The following NSUN4 variants were observed in gnomAD, a reference collection of about 807,000 sequenced individuals.
NSUN4 encodes the protein NOP2/Sun RNA methyltransferase 4, also known as 5-cytosine rRNA methyltransferase NSUN4.
A neutral mutation model predicts 43.8 loss-of-function variants in NSUN4; 31 were observed. That is an observed-to-expected ratio of 0.71 (90% CI 0.53 to 0.96). The LOEUF (loss-of-function observed/expected upper bound fraction) is 0.96, where lower values mean the gene tolerates loss of function less well. NSUN4 is among the 40% of genes least tolerant of loss of function. NSUN4 has a pLI of 0.00. For missense variants in NSUN4, 439 were observed against 475.6 expected (o/e 0.92, Z 0.72); for synonymous variants, 167 against 184.1 (o/e 0.91, Z 0.75).
chr1:46,362,157 A>C lies in NSUN4; in HGVS notation c.*311A>C, dbSNP rs576615788. 138 of 368,682 alleles carry C rather than the reference A, an allele frequency of 3.7e-4. No homozygotes were observed. The highest frequency in any genetic ancestry group is 6.0e-4 in the Non-Finnish European group (120 of 200,540). The allele number at this position is 368,682 out of a possible 1,614,324, so 22.8% of individuals were successfully genotyped here. A position where few individuals can be genotyped will look rare whatever the true frequency, so the allele number is the denominator to read the frequency against. ...GCTCACACTAAGTTGTAAACATAGG[A>C]GAAGCATTTGGCCAATAAAGTTGTT... On this transcript the variant is annotated 3_prime_UTR_variant, in exon 6 of 6. Coordinates refer to ENST00000474844, the MANE Select transcript of NSUN4 (RefSeq NM_199044.4).
At chr1:46,341,424 G>A (rs1662095825) in intron 1 of NSUN4, 1 of 1,005,478 alleles carries the variant, frequency 9.9e-7, no homozygotes, top group Non-Finnish European at 1.2e-6. Context: ...CCTCAACCTC[G>A]AGCTGCCTCT....
chr1:46,343,791 AAG>A, intron 1 of NSUN4: 1 of 400,842 alleles, frequency 2.5e-6, no homozygotes, highest in Non-Finnish European at 4.4e-6. Context: ...GGGCAAGAGC[AAG>A]AGTCTATGAT....
At chr1:46,348,709 CAAAAAAA>C (rs34999763) in intron 3 of NSUN4, among the ~76,000 whole-genome samples, 993 of 52,086 alleles carry the variant, frequency 0.019, 13 homozygotes, top group African/African-American at 0.068. Context: ...AACTCTGTCT[CAAAAAAA>C]AAAAAAAAAA....
chr1:46,341,991 C>T (rs1347440109), intron 1 of NSUN4: 4 of 1,219,176 alleles, frequency 3.3e-6, no homozygotes, highest in Non-Finnish European at 4.1e-6. Flanking sequence ...AGTGACCTCC[C>T]CTCAGCTCAC....
At chr1:46,353,882 A>G (rs1663181553) in intron 4 of NSUN4, among the ~76,000 whole-genome samples, 1 of 152,134 alleles carries the variant, frequency 6.6e-6, no homozygotes, top group African/African-American at 2.4e-5. Context: ...TTGTGGAAGT[A>G]TAGTTGTTGA....
At chr1:46,380,398 A>G in the NSUN4 span, among the ~76,000 whole-genome samples, 1 of 152,172 alleles carries the variant, frequency 6.6e-6, no homozygotes, top group South Asian at 2.1e-4. Context: ...TACCTTCTGG[A>G]TAACACAGGT....
At chr1:46,376,148 C>G in the NSUN4 span, among the ~76,000 whole-genome samples, 1 of 147,064 alleles carries the variant, frequency 6.8e-6, no homozygotes, top group Admixed American at 6.8e-5. Flanking sequence ...TGGCTCATGC[C>G]TGTAATCCTA....
At chr1:46,347,188 A>C in intron 3 of NSUN4, 113 bp downstream of exon 3, 3 of 1,155,594 alleles carry the variant, frequency 2.6e-6, no homozygotes, top group Non-Finnish European at 3.6e-6. Flanking sequence ...CTGTAATCCC[A>C]GCACTTTGGG....
the NSUN4 span, among the ~76,000 whole-genome samples, chr1:46,373,989 T>TAA: frequency 2.6e-5 from 4 of 151,944 alleles, no homozygotes; most frequent in South Asian, 8.3e-4. Context: ...CCGTTAGAAA[T>TAA]AATTTTAAGA....
At chr1:46,365,569 T>C (rs1466250972), downstream of NSUN4, among the ~76,000 whole-genome samples, 5 of 152,096 alleles carry the variant, frequency 3.3e-5, no homozygotes, top group African/African-American at 4.8e-5. Flanking sequence ...CTCGAACTCC[T>C]GACCTCAGAT....
Position 46,361,690 on chromosome 1 carries a change from C to G in NSUN4, c.999C>G (p.Ser333Arg). ...GAIELLANQY[S>R]IQVQVEDLTH... Reference sequence around the variant, plus strand: ...TTGAGCTCCTGGCCAATCAATACAGCATCCAGGTACAGGTGGAAGATCTGA... The same window carrying G: ...TTGAGCTCCTGGCCAATCAATACAGGATCCAGGTACAGGTGGAAGATCTGA... Residue 333 changes from serine to arginine, a missense_variant, in exon 6 of 6, where the codon AGC (serine) becomes AGG (arginine). By Grantham distance (110) the Ser-to-Arg change is moderately radical. Coordinates refer to ENST00000474844, the MANE Select transcript of NSUN4 (RefSeq NM_199044.4). The G allele has an allele frequency of 6.2e-7, 1 of 1,614,192 alleles. No individual in the cohort carries two copies. Among genetic ancestry groups the G allele is most frequent in the Non-Finnish European group, 8.5e-7 (1 of 1,180,034 alleles).
At chr1:46,341,079 C>A in intron 1 of NSUN4, 160 bp downstream of exon 1, 1 of 1,171,850 alleles carries the variant, frequency 8.5e-7, no homozygotes, top group Non-Finnish European at 1.2e-6. Context: ...CCGCCTCTGT[C>A]CGCACTCTAT....
intron 1 of NSUN4, chr1:46,341,771 G>A (rs1662125472): frequency 2.4e-6 from 3 of 1,232,054 alleles, no homozygotes; most frequent in Non-Finnish European, 3.0e-6. Flanking sequence ...CTTATTTTGA[G>A]CAGTTCAGCA....
chr1:46,345,404 G>T, intron 2 of NSUN4: 1 of 424,694 alleles, frequency 2.4e-6, no homozygotes, highest in South Asian at 3.6e-5. Context: ...ATTCTTACTT[G>T]CTTTAGGTCC....
At chr1:46,351,586 GA>G (rs1372629374) in intron 3 of NSUN4, among the ~76,000 whole-genome samples, 1 of 151,816 alleles carries the variant, frequency 6.6e-6, no homozygotes, top group Non-Finnish European at 1.5e-5. Flanking sequence ...AGCACTTTGG[GA>G]GGCTGAGGTG....
chr1:46,361,475 G>A (rs1663865107), intron 5 of NSUN4, 95 bp from the exon 6 acceptor site: 1 of 1,155,858 alleles, frequency 8.7e-7, no homozygotes, highest in Admixed American at 2.1e-5. Context: ...CCATCCTGTA[G>A]TAGCCTTCCC....
At chr1:46,360,096 G>A (rs1663714263) in intron 4 of NSUN4, among the ~76,000 whole-genome samples, 1 of 150,136 alleles carries the variant, frequency 6.7e-6, no homozygotes, top group Admixed American at 6.6e-5. Context: ...GGGCATGGTG[G>A]CAGGCGCCTG....
the NSUN4 span, among the ~76,000 whole-genome samples, chr1:46,377,860 T>C: frequency 0.42 from 64,416 of 151,912 alleles, 13,879 homozygotes; most frequent in South Asian, 0.51. Context: ...ACTAACCCCA[T>C]AGTTTCAAAC....
downstream of NSUN4, among the ~76,000 whole-genome samples, chr1:46,369,309 G>A (rs575817429): frequency 6.6e-6 from 1 of 152,140 alleles, no homozygotes; most frequent in Non-Finnish European, 1.5e-5. Context: ...TAACCCCCAA[G>A]TACCAACATG....
Sources: allele counts gnomAD v4.1 joint callset (sites outside exome capture counted in the v4.1 genomes callset), GRCh38; gene constraint gnomAD v4.1.1; transcripts MANE v1.5; gene names NCBI Gene and HGNC (gene_info 2026-07-23, HGNC 2026-07-21).